The following GPRIN2 variants were observed in gnomAD, a reference collection of about 807,000 sequenced individuals.
GPRIN2 encodes the protein G protein-regulated inducer of neurite outgrowth 2.
Under a neutral mutation model 0.3 loss-of-function variants are expected in GPRIN2, and 1 was observed. The ratio of observed to expected loss-of-function variants is 3.90; its 90% CI spans 1.39 to 18.51. The LOEUF is 18.51. Among genes scored for constraint, GPRIN2 ranks in the 30% most tolerant of loss-of-function variants. GPRIN2 has a pLI of 0.11. For missense variants in GPRIN2, 880 were observed against 604.2 expected (o/e 1.46, Z -4.79); for synonymous variants, 361 against 258.6 (o/e 1.40, Z -3.80).
intron 2 of GPRIN2, among the ~76,000 whole-genome samples, chr10:46,551,147 T>G (rs1181282335): frequency 6.6e-6 from 1 of 152,300 alleles, no homozygotes; most frequent in Non-Finnish European, 1.5e-5. Flanking sequence ...ATAACAGCTC[T>G]TGGTCAACCA....
rs1276862234 is a variant in GPRIN2 at position 46,543,529 on chromosome 10, T to C, written c.*5831A>G. On this transcript the variant is annotated 3_prime_UTR_variant, in exon 3 of 3. Transcript: ENST00000374314. Reference sequence around the variant, plus strand: ...CAGAGGTGCTGCAGTCCTGGGGCCATGTTCATAGGATGCAGAGAAAGCACA... The same window carrying C: ...CAGAGGTGCTGCAGTCCTGGGGCCACGTTCATAGGATGCAGAGAAAGCACA... 3.3e-5 allele frequency among the ~76,000 whole-genome samples: 5 copies of C among 152,290 alleles called. No homozygotes were observed. Among genetic ancestry groups the C allele is most frequent in the Non-Finnish European group, 1.5e-5 (1 of 68,056 alleles).
Position 46,550,065 on chromosome 10 carries a change from G to T in GPRIN2, c.672C>A (p.Thr224=), listed in dbSNP as rs1832494171. The change falls in exon 3 of 3, where the codon ACC becomes ACA. Residue 224 remains threonine (T), a synonymous_variant. Coordinates refer to ENST00000374314, the MANE Select transcript of GPRIN2 (RefSeq NM_001385282.1). ...EPKAAEQLAT[T]TCHALPPAAL... Reference sequence around the variant, plus strand: ...CAGCTGGGGGCAGAGCATGGCAGGTGGTGGTAGCCAGCTGTTCAGCAGCTT... The same window carrying T: ...CAGCTGGGGGCAGAGCATGGCAGGTTGTGGTAGCCAGCTGTTCAGCAGCTT... 1.9e-6 allele frequency: 3 copies of T among 1,613,672 alleles called. No individual in the cohort carries two copies. The highest frequency in any genetic ancestry group is 2.7e-5 in the African/African-American group (2 of 74,968).
At chr10:46,552,598 G>A (rs1842739045) in intron 2 of GPRIN2, among the ~76,000 whole-genome samples, 1 of 152,308 alleles carries the variant, frequency 6.6e-6, no homozygotes, top group African/African-American at 2.4e-5. Context: ...TAGTCCCTGA[G>A]ACTCCAGCTC....
At chr10:46,556,384 C>T (rs1337489281) in intron 1 of GPRIN2, among the ~76,000 whole-genome samples, 114 bp downstream of exon 1, 1 of 152,302 alleles carries the variant, frequency 6.6e-6, no homozygotes, top group Non-Finnish European at 1.5e-5. Context: ...GGCCAGGATG[C>T]CGGGGGTCTG....
chr10:46,549,766 G>A lies in GPRIN2; in HGVS notation c.971C>T (p.Pro324Leu), dbSNP rs1842459299. The change falls in exon 3 of 3, where the codon CCT becomes CTT. Residue 324 changes from proline (P) to leucine (L), a missense_variant. Transcript: ENST00000374314. Reference protein sequence around the residue: ...WTMTSANDLAPAEASPLSAQD... With the variant: ...WTMTSANDLALAEASPLSAQD... ...GGCTGACAGCGGGGATGCCTCTGCA[G>A]GGGCCAAGTCATTGGCTGAGGTCAT... 2.5e-6 allele frequency: 4 copies of A among 1,614,084 alleles called. No homozygotes were observed. Among genetic ancestry groups the A allele is most frequent in the Non-Finnish European group, 2.5e-6 (3 of 1,180,042 alleles).
chr10:46,555,752 ACCTAGGTGGAGAGGGTGCCCCGG>A (rs1843129834), intron 1 of GPRIN2, among the ~76,000 whole-genome samples: 1 of 152,304 alleles, frequency 6.6e-6, no homozygotes, highest in Admixed American at 6.5e-5. Context: ...CCTGGGGGGC[ACCTAGGTGGAGAGGGTGCCCCGG>A]CCTAGAAGCA....
intron 2 of GPRIN2, among the ~76,000 whole-genome samples, chr10:46,553,506 G>C (rs1056359138): frequency 1.3e-5 from 2 of 152,246 alleles, no homozygotes. Context: ...CCCAGGGAGG[G>C]GGGCCATAAA....
At position 46,543,122 on chromosome 10, in the gene GPRIN2, G is replaced by C. The variant is rs1437071301; in HGVS notation, c.*6238C>G. ...TCCCTCTGTAAGGAGATGCTCAGAT[G>C]TTTTGGTTTGTGTCCAAAGAGGGGA... is the stretch of plus-strand genomic sequence containing the variant. On this transcript the variant is annotated 3_prime_UTR_variant, in exon 3 of 3. Transcript: ENST00000374314. 1.3e-5 allele frequency among the ~76,000 whole-genome samples: 2 copies of C among 152,308 alleles called. No individual in the cohort carries two copies. The highest frequency in any genetic ancestry group is 2.9e-5 in the Non-Finnish European group (2 of 68,058).
At position 46,550,716 on chromosome 10, in the gene GPRIN2, C is replaced by T. The variant is rs1832266309; in HGVS notation, c.21G>A (p.Glu7=). Residue 7 remains glutamate, a synonymous_variant, in exon 3 of 3, where the codon GAG becomes GAA. Coordinates refer to ENST00000374314, the MANE Select transcript of GPRIN2 (RefSeq NM_001385282.1). The stretch of plus-strand genomic sequence containing the variant: ...GGCTCAGGGGTGCCCAGGGACCCGG[C>T]TCGGGGCGGCTGGAGCTCATGGCTG... The part of the protein sequence containing the change: MSSSRP[E]PGPWAPLSPR... 6.6e-7 allele frequency: 1 copy of T among 1,508,672 alleles called. No homozygotes were observed. Among genetic ancestry groups the T allele is most frequent in the Non-Finnish European group, 8.8e-7 (1 of 1,130,864 alleles). The allele number at this position is 1,508,672 out of a possible 1,614,324, so 93.5% of individuals were successfully genotyped here. A position where few individuals can be genotyped will look rare whatever the true frequency, so the allele number is the denominator to read the frequency against.
upstream of GPRIN2, among the ~76,000 whole-genome samples, chr10:46,557,568 T>C (rs1194953493): frequency 6.6e-6 from 1 of 152,300 alleles, no homozygotes; most frequent in Non-Finnish European, 1.5e-5. Flanking sequence ...GAGCCCGCCT[T>C]CTTCTCCGCA....
Position 46,549,656 on chromosome 10 carries a change from G to GC in GPRIN2, c.1080dup (p.His361AlafsTer27). On this transcript the variant is annotated frameshift_variant, in exon 3 of 3. Coordinates refer to ENST00000374314, the MANE Select transcript of GPRIN2 (RefSeq NM_001385282.1). LOFTEE classifies it low-confidence loss of function (END_TRUNC). ...CCCAGAGTTACCTCTGGGAACACAT[G>GC]CAGGGCTGCAGGCGCTTCCAGGGAC... 6.2e-7 allele frequency: 1 copy of GC among 1,614,190 alleles called. No individual in the cohort carries two copies. The highest frequency in any genetic ancestry group is 8.5e-7 in the Non-Finnish European group (1 of 1,179,972).
chr10:46,550,198 T>C lies in GPRIN2; in HGVS notation c.539A>G (p.Asp180Gly), dbSNP rs1832451707. The change falls in exon 3 of 3, where the codon GAT (aspartate) becomes GGT (glycine). Residue 180 changes from aspartate (D) to glycine (G), a missense_variant. Asp to Gly is a moderately conservative substitution (Grantham distance 94). Coordinates refer to ENST00000374314, the MANE Select transcript of GPRIN2 (RefSeq NM_001385282.1). ...AGLERDLAPEDETSNSAWMLG... is the reference protein window; with the variant it reads ...AGLERDLAPEGETSNSAWMLG... ...CATCCAGGCTGAGTTAGAAGTCTCATCCTCAGGAGCCAGGTCCCTTTCCAG... is the reference window on the plus strand; with the variant it reads ...CATCCAGGCTGAGTTAGAAGTCTCACCCTCAGGAGCCAGGTCCCTTTCCAG... The C allele has an allele frequency of 1.1e-5, 17 of 1,600,484 alleles. No individual in the cohort carries two copies. The highest frequency in any genetic ancestry group is 1.7e-5 in the Admixed American group (1 of 58,994).
At position 46,545,196 on chromosome 10, in the gene GPRIN2, G is replaced by A. The variant is rs1429892377; in HGVS notation, c.*4164C>T. Among the ~76,000 whole-genome samples, 1 of 152,310 alleles carries A rather than the reference G, an allele frequency of 6.6e-6. No homozygotes were observed. Among genetic ancestry groups the A allele is most frequent in the Non-Finnish European group, 1.5e-5 (1 of 68,058 alleles). ...GCAAATGTCAATGGGTGCACCCCCAGATGCCTGTGACTCCCTCTGGTGGTT... is the reference window on the plus strand; with the variant it reads ...GCAAATGTCAATGGGTGCACCCCCAAATGCCTGTGACTCCCTCTGGTGGTT... On this transcript the variant is annotated 3_prime_UTR_variant, in exon 3 of 3. Transcript: ENST00000374314.
At position 46,543,149 on chromosome 10, in the gene GPRIN2, G is replaced by A. The variant is rs1833042501; in HGVS notation, c.*6211C>T. 0.019 allele frequency among the ~76,000 whole-genome samples: 2,792 copies of A among 150,126 alleles called. No individual in the cohort carries two copies. Among genetic ancestry groups the A allele is most frequent in the Non-Finnish European group, 0.029 (1,953 of 66,400 alleles). On this transcript the variant is annotated 3_prime_UTR_variant, in exon 3 of 3. Coordinates refer to ENST00000374314, the MANE Select transcript of GPRIN2 (RefSeq NM_001385282.1). ...TTTGGTTTGTGTCCAAAGAGGGGAA[G>A]GACAGGTGGAGAGAAAGGGCCTAGA...
Position 46,549,671 on chromosome 10 carries a change from C to T in GPRIN2, c.1066G>A (p.Ala356Thr), listed in dbSNP as rs982688103. ...KAVATSPSLE[A>T]PAALHVFPEV... is the part of the protein sequence containing the mutation. ...GGGAACACATGCAGGGCTGCAGGCG[C>T]TTCCAGGGACGGACTGGTGGCCACA... The change falls in exon 3 of 3, where the codon GCG (alanine) becomes ACG (threonine). Residue 356 changes from alanine (A) to threonine (T), a missense_variant. Coordinates refer to ENST00000374314, the MANE Select transcript of GPRIN2 (RefSeq NM_001385282.1). 1 of 1,614,042 alleles carries T rather than the reference C, an allele frequency of 6.2e-7. No homozygotes were observed.
In GPRIN2 at chr10:46,549,062, A is replaced by G. The variant is rs1842415583; in HGVS notation, c.*298T>C. The G allele has an allele frequency of 2.4e-6, 1 of 410,444 alleles. No individual in the cohort carries two copies. The highest frequency in any genetic ancestry group is 2.1e-5 in the African/African-American group (1 of 48,508). The allele number at this position is 410,444 out of a possible 1,614,324, so 25.4% of individuals were successfully genotyped here. A position where few individuals can be genotyped will look rare whatever the true frequency, so the allele number is the denominator to read the frequency against. Reference sequence around the variant, plus strand: ...CTGAGGGTGGAGTGAACAAAAGGTCATTTTTTACAGAAAACTCAGGATCTC... The same window carrying G: ...CTGAGGGTGGAGTGAACAAAAGGTCGTTTTTTACAGAAAACTCAGGATCTC... On this transcript the variant is annotated 3_prime_UTR_variant, in exon 3 of 3. Transcript: ENST00000374314.
rs1588952092 is a variant in GPRIN2 at position 46,545,245 on chromosome 10, TAGGCCCTACGACTCCAGC to T, written c.*4097_*4114del. ...TTTCTGTGCACAACTTCCCCCAAAA[TAGGCCCTACGACTCCAGC>T]AGAAACCTACCCTGGGGCTCCTAGA... On this transcript the variant is annotated 3_prime_UTR_variant, in exon 3 of 3. Coordinates refer to ENST00000374314, the MANE Select transcript of GPRIN2 (RefSeq NM_001385282.1). 1.3e-5 allele frequency among the ~76,000 whole-genome samples: 2 copies of T among 152,182 alleles called. No homozygotes were observed. The highest frequency in any genetic ancestry group is 2.1e-4 in the South Asian group (1 of 4,828).
In GPRIN2 at chr10:46,548,034, G is replaced by T. The variant is rs1832824171; in HGVS notation, c.*1326C>A. Among the ~76,000 whole-genome samples, 90 of 152,368 alleles carry T rather than the reference G, an allele frequency of 5.9e-4. No individual in the cohort carries two copies. The highest frequency in any genetic ancestry group is 2.0e-3 in the African/African-American group (85 of 41,560). On this transcript the variant is annotated 3_prime_UTR_variant, in exon 3 of 3. Transcript: ENST00000374314. ...TAAGCCACCACTGTGGGGGTCCTGG[G>T]CTCCTAGGTGCAGAAGAGGCTCCAG...
In GPRIN2 at chr10:46,547,345, G is replaced by T. The variant is rs1842256710; in HGVS notation, c.*2015C>A. Among the ~76,000 whole-genome samples, 1 of 152,306 alleles carries T rather than the reference G, an allele frequency of 6.6e-6. No individual in the cohort carries two copies. Among genetic ancestry groups the T allele is most frequent in the Admixed American group, 6.5e-5 (1 of 15,292 alleles). On this transcript the variant is annotated 3_prime_UTR_variant, in exon 3 of 3. Coordinates refer to ENST00000374314, the MANE Select transcript of GPRIN2 (RefSeq NM_001385282.1). ...AATGGATATTTCTAAACTGAAATCT[G>T]GTCCCACCTCAGAACCCCTTCCACA... is the stretch of plus-strand genomic sequence containing the variant.
Sources: allele counts gnomAD v4.1 joint callset (sites outside exome capture counted in the v4.1 genomes callset), GRCh38; gene constraint gnomAD v4.1.1; transcripts MANE v1.5; gene names NCBI Gene and HGNC (gene_info 2026-07-23, HGNC 2026-07-21).